The following SLC8A3 variants were observed in gnomAD, a reference collection of about 807,000 sequenced individuals.
SLC8A3 encodes the protein sodium/calcium exchanger 3.
A neutral mutation model predicts 65.4 loss-of-function variants in SLC8A3; 37 were observed. The observed-to-expected ratio is 0.57, with a 90% confidence interval of 0.44 to 0.74. The LOEUF (loss-of-function observed/expected upper bound fraction) is 0.74. Among genes scored for constraint, SLC8A3 ranks in the 30% least tolerant of loss-of-function variants. The pLI, the probability that SLC8A3 is intolerant of heterozygous loss-of-function variation, is 0.00. For synonymous variants in SLC8A3, 461 were observed against 444.5 expected (o/e 1.04, Z -0.47); for missense variants, 1,112 against 1,172.1 (o/e 0.95, Z 0.75).
chr14:70,079,342 A>T (rs555318543), intron 2 of SLC8A3, among the ~76,000 whole-genome samples: 4 of 149,712 alleles, frequency 2.7e-5, no homozygotes, highest in South Asian at 4.2e-4. Flanking sequence ...AAAAAAAAAA[A>T]AAAAAAAAAA....
rs74751446 is a variant in SLC8A3 at position 70,091,588 on chromosome 14, G to A, written c.1785-30649C>T. Among the ~76,000 whole-genome samples, 214 of 152,258 alleles carry A rather than the reference G, an allele frequency of 1.4e-3. 6 individuals are homozygous for A. The East Asian group carries it at 0.035, about 25-fold the overall frequency. On this transcript the variant is annotated intron_variant, in intron 2 of 6. Coordinates refer to ENST00000356921, the MANE Select transcript of SLC8A3 (RefSeq NM_182932.3). ...TGATCTCATTTCATATTGCTTTGCA[G>A]ATATCTGGTGTCGGAGCCACGCACC...
Position 70,188,417 on chromosome 14 carries a change from G to T in SLC8A3, c.-101C>A, listed in dbSNP as rs1202869800. On this transcript the variant is annotated 5_prime_UTR_variant, in exon 1 of 7. Transcript: ENST00000356921. ...CCTCCCGAGCGGAGTGGGCAAGGGA[G>T]GGGGGTGAGGAAGGTACGCGATGCC... The T allele has an allele frequency of 6.6e-6, 1 of 152,136 alleles. No individual in the cohort carries two copies. The highest frequency in any genetic ancestry group is 1.5e-5 in the Non-Finnish European group (1 of 68,042). The allele number at this position is 152,136 out of a possible 1,614,324, so 9.4% of individuals were successfully genotyped here. A position where few individuals can be genotyped will look rare whatever the true frequency, so the allele number is the denominator to read the frequency against.
intron 2 of SLC8A3, among the ~76,000 whole-genome samples, chr14:70,077,196 C>T (rs549275984): frequency 2.3e-4 from 35 of 152,142 alleles, no homozygotes; most frequent in African/African-American, 8.2e-4. Flanking sequence ...AGAAGTTTGG[C>T]AGGTGCTGGT....
Position 70,167,100 on chromosome 14 carries a change from A to G in SLC8A3, c.1323T>C (p.Asn441=). The G allele has an allele frequency of 5.6e-6, 9 of 1,614,138 alleles. No individual in the cohort carries two copies. The highest frequency in any genetic ancestry group is 7.6e-6 in the Non-Finnish European group (9 of 1,180,042). Residue 441 remains asparagine, a synonymous_variant, in exon 2 of 7, where the codon AAT becomes AAC. Transcript: ENST00000356921. ...CTGTGAACTCATAGTCAGCCCCTGC[A>G]TTGGCAGAACCATCCTCTGTTTTGT... The part of the protein sequence containing the change: ...VDYKTEDGSA[N]AGADYEFTEG...
rs890866829 is a variant in SLC8A3, at chr14:70,051,457, T to C, written c.2014-350A>G. Among the ~76,000 whole-genome samples, 10 of 152,188 alleles carry C rather than the reference T, an allele frequency of 6.6e-5. No individual in the cohort carries two copies. The South Asian group carries it at 1.2e-3, about 19-fold the overall frequency. On this transcript the variant is annotated intron_variant, in intron 4 of 6. Transcript: ENST00000356921. ...ACAGGCATGTACAACCACACTGAGC[T>C]GATTTTTATTTTGTTTTATTTTTTA...
intron 2 of SLC8A3, among the ~76,000 whole-genome samples, chr14:70,067,428 G>A (rs1566751476): frequency 6.6e-6 from 1 of 152,088 alleles, no homozygotes; most frequent in Non-Finnish European, 1.5e-5. Context: ...CCAATTCAAG[G>A]ACTAACCAGA....
intron 2 of SLC8A3, among the ~76,000 whole-genome samples, chr14:70,090,563 G>C (rs559621297): frequency 2.2e-4 from 33 of 152,188 alleles, no homozygotes; most frequent in South Asian, 4.2e-4. Context: ...ACATAAAGGC[G>C]CTTCATGAAT....
At chr14:70,184,311 A>T (rs530410046) in intron 1 of SLC8A3, among the ~76,000 whole-genome samples, 1 of 152,280 alleles carries the variant, frequency 6.6e-6, no homozygotes, top group East Asian at 1.9e-4. Context: ...TCAGTAGTCA[A>T]CATTTTCCTA....
chr14:70,091,901 A>T (rs751652164), intron 2 of SLC8A3, among the ~76,000 whole-genome samples: 1 of 152,158 alleles, frequency 6.6e-6, no homozygotes, highest in Non-Finnish European at 1.5e-5. Flanking sequence ...TTACTGAGAC[A>T]ATTTGAGATT....
rs149634275 is a variant in SLC8A3, at chr14:70,116,008, G to T, written c.1784+50631C>A. Among the ~76,000 whole-genome samples the T allele has an allele frequency of 1.6e-4, 24 of 152,138 alleles. No homozygotes were observed. The East Asian group carries it at 4.6e-3, about 29-fold the overall frequency. ...AAGCCTTTGTCAGACGCCTTCCAAT[G>T]CCAGGCCCAAGTTTCTCAAAGGAAT... On this transcript the variant is annotated intron_variant, in intron 2 of 6. Coordinates refer to ENST00000356921, the MANE Select transcript of SLC8A3 (RefSeq NM_182932.3).
In SLC8A3 at chr14:70,052,134, G is replaced by A. The variant is rs775047088; in HGVS notation, c.1889-20C>T. ...TCACATCTGCAACAAAACAAAATCAGACTCGCTTTAACACCTTTTCCATTC... is the reference window on the plus strand; with the variant it reads ...TCACATCTGCAACAAAACAAAATCAAACTCGCTTTAACACCTTTTCCATTC... On this transcript the variant is annotated intron_variant, in intron 3 of 6. Coordinates refer to ENST00000356921, the MANE Select transcript of SLC8A3 (RefSeq NM_182932.3). The A allele has an allele frequency of 1.5e-5, 23 of 1,585,238 alleles. No homozygotes were observed. Among genetic ancestry groups the A allele is most frequent in the Non-Finnish European group, 1.7e-5 (20 of 1,168,712 alleles).
At chr14:70,084,510 G>A (rs908408971) in intron 2 of SLC8A3, among the ~76,000 whole-genome samples, 2 of 152,096 alleles carry the variant, frequency 1.3e-5, no homozygotes, top group East Asian at 1.9e-4. Flanking sequence ...GTTTAGTCAA[G>A]TTTCTAAAGT....
intron 2 of SLC8A3, among the ~76,000 whole-genome samples, chr14:70,110,673 C>CT (rs71102684): frequency 0.014 from 1,242 of 91,808 alleles, 13 homozygotes; most frequent in Middle Eastern, 0.027. Context: ...ATACCTCTTT[C>CT]TTTTTTTTTT....
At chr14:70,130,997 G>A (rs1894791438) in intron 2 of SLC8A3, among the ~76,000 whole-genome samples, 2 of 152,174 alleles carry the variant, frequency 1.3e-5, no homozygotes, top group South Asian at 2.1e-4. Context: ...GTAGATCAAG[G>A]AGGTTGTACA....
chr14:70,154,584 A>G (rs1896464721), intron 2 of SLC8A3, among the ~76,000 whole-genome samples: 1 of 152,242 alleles, frequency 6.6e-6, no homozygotes, highest in Admixed American at 6.5e-5. Flanking sequence ...GCAAAAGGCC[A>G]GAGAAGTACC....
intron 3 of SLC8A3, among the ~76,000 whole-genome samples, chr14:70,057,726 T>G (rs1347291657): frequency 6.6e-6 from 1 of 152,198 alleles, no homozygotes. Context: ...TCCCCTGTAT[T>G]GATCCCCTGG....
intron 2 of SLC8A3, among the ~76,000 whole-genome samples, chr14:70,124,872 GA>G (rs1294838912): frequency 6.6e-6 from 1 of 152,234 alleles, no homozygotes; most frequent in Non-Finnish European, 1.5e-5. Flanking sequence ...GTGCCAAAAT[GA>G]ATTAGCAACA....
intron 2 of SLC8A3, among the ~76,000 whole-genome samples, chr14:70,164,386 G>T (rs181444946): frequency 1.3e-5 from 2 of 152,066 alleles, no homozygotes; most frequent in Non-Finnish European, 2.9e-5. Context: ...TCATTATTCT[G>T]CAATGAATGA....
At chr14:70,107,805 A>G (rs900988040) in intron 2 of SLC8A3, among the ~76,000 whole-genome samples, 1 of 152,084 alleles carries the variant, frequency 6.6e-6, no homozygotes, top group Non-Finnish European at 1.5e-5. Flanking sequence ...AGGATTAGAG[A>G]GAGAGTGAAG....
Sources: allele counts gnomAD v4.1 joint callset (sites outside exome capture counted in the v4.1 genomes callset), GRCh38; gene constraint gnomAD v4.1.1; transcripts MANE v1.5; gene names NCBI Gene and HGNC (gene_info 2026-07-23, HGNC 2026-07-21).